Variants in ADARB2 observed in about 807,000 individuals in gnomAD.
ADARB2 encodes the protein adenosine deaminase RNA specific B2 (inactive).
A neutral mutation model predicts 62.2 loss-of-function variants in ADARB2; 25 were observed. The observed-to-expected ratio is 0.40, with a 90% confidence interval of 0.29 to 0.56. The LOEUF is 0.56. Among genes scored for constraint, ADARB2 ranks in the 20% least tolerant of loss-of-function variants. ADARB2 has a pLI of 0.43. For synonymous variants in ADARB2, 572 were observed against 500.8 expected (o/e 1.14, Z -1.90); for missense variants, 1,071 against 1,077.4 (o/e 0.99, Z 0.08).
intron 1 of ADARB2, among the ~76,000 whole-genome samples, chr10:1,379,888 T>A (rs1159788816): frequency 6.6e-6 from 1 of 152,240 alleles, no homozygotes; most frequent in Admixed American, 6.5e-5. Context: ...GATGCCGCTC[T>A]TCACCAATAA....
chr10:1,720,420 C>G (rs1835075590), intron 1 of ADARB2, among the ~76,000 whole-genome samples: 1 of 152,198 alleles, frequency 6.6e-6, no homozygotes, highest in Non-Finnish European at 1.5e-5. Context: ...AGGTACTATG[C>G]TCACTCCCTG....
intron 1 of ADARB2, among the ~76,000 whole-genome samples, chr10:1,685,766 C>G (rs765980949): frequency 6.6e-6 from 1 of 152,226 alleles, no homozygotes. Flanking sequence ...CTGCCCAGAC[C>G]TCTCCTGGCT....
intron 1 of ADARB2, among the ~76,000 whole-genome samples, chr10:1,458,538 G>T (rs755443769): frequency 7.6e-4 from 115 of 152,196 alleles, no homozygotes; most frequent in Non-Finnish European, 1.3e-3. Context: ...CCCTATCCTG[G>T]GAGAGGCTCA....
At chr10:1,218,446 C>T (rs1312560819) in intron 6 of ADARB2, among the ~76,000 whole-genome samples, 1 of 152,232 alleles carries the variant, frequency 6.6e-6, no homozygotes, top group African/African-American at 2.4e-5. Flanking sequence ...GTGATTATAT[C>T]ATTTACATAC....
At chr10:1,715,654 T>C (rs1485945518) in intron 1 of ADARB2, among the ~76,000 whole-genome samples, 1 of 152,210 alleles carries the variant, frequency 6.6e-6, no homozygotes, top group Non-Finnish European at 1.5e-5. Flanking sequence ...CTAGTTCTTA[T>C]TTTCAAGCAG....
intron 1 of ADARB2, among the ~76,000 whole-genome samples, chr10:1,482,672 G>T (rs1831488638): frequency 6.6e-6 from 1 of 152,154 alleles, no homozygotes; most frequent in Non-Finnish European, 1.5e-5. Context: ...TGTATTATGT[G>T]TATTTTACCA....
rs547326088 is a variant in ADARB2 at position 1,478,294 on chromosome 10, G to A, written c.101-99134C>T. 2.6e-5 allele frequency among the ~76,000 whole-genome samples: 4 copies of A among 152,288 alleles called. No individual in the cohort carries two copies. In the South Asian group the frequency reaches 6.2e-4, roughly 24 times the overall value. On this transcript the variant is annotated intron_variant, in intron 1 of 9. Coordinates refer to ENST00000381312, the MANE Select transcript of ADARB2 (RefSeq NM_018702.4). ...GAACAGCGTCACGGACATCAGAGGG[G>A]GTGGGTCTTCTGTGTCTCAACCTGG...
intron 3 of ADARB2, among the ~76,000 whole-genome samples, chr10:1,332,610 T>C (rs974176778): frequency 3.9e-5 from 6 of 151,986 alleles, no homozygotes; most frequent in African/African-American, 1.4e-4. Context: ...GCACAAGACG[T>C]TGGCCCCCTG....
chr10:1,412,221 C>T (rs373723813), intron 1 of ADARB2, among the ~76,000 whole-genome samples: 10 of 152,210 alleles, frequency 6.6e-5, no homozygotes, highest in Non-Finnish European at 1.0e-4. Context: ...CCGGAGACCT[C>T]GGGGCTGGTT....
intron 1 of ADARB2, among the ~76,000 whole-genome samples, chr10:1,647,525 G>T (rs1252509415): frequency 6.6e-6 from 1 of 152,128 alleles, no homozygotes; most frequent in Admixed American, 6.5e-5. Context: ...ATATATGCAT[G>T]CATGTGTGTT....
Position 1,394,940 on chromosome 10 carries a change from C to T in ADARB2, c.101-15780G>A, listed in dbSNP as rs140143392. 697 of 455,738 alleles carry T rather than the reference C, an allele frequency of 1.5e-3. 3 individuals are homozygous for T. The highest frequency in any genetic ancestry group is 0.012 in the African/African-American group (609 of 50,122). The allele number at this position is 455,738 out of a possible 1,614,324, so 28.2% of individuals were successfully genotyped here. ...TCTTCCTCTCTCTCTTTCTTTCTTT[C>T]GACAAGATCTTGCTCTGTCCCCAGG... On this transcript the variant is annotated intron_variant, in intron 1 of 9. Transcript: ENST00000381312.
chr10:1,457,315 C>T (rs1831106697), intron 1 of ADARB2, among the ~76,000 whole-genome samples: 1 of 152,148 alleles, frequency 6.6e-6, no homozygotes, highest in Non-Finnish European at 1.5e-5. Flanking sequence ...CCAGTGTCCA[C>T]CTCTAACCCT....
At chr10:1,588,750 T>C (rs2132006070) in intron 1 of ADARB2, among the ~76,000 whole-genome samples, 1 of 152,288 alleles carries the variant, frequency 6.6e-6, no homozygotes, top group East Asian at 1.9e-4. Context: ...TCACACTCAA[T>C]TCTGGAGGCA....
In ADARB2 at chr10:1,487,953, C is replaced by T. The variant is rs557801638; in HGVS notation, c.101-108793G>A. Among the ~76,000 whole-genome samples, 26 of 152,244 alleles carry T rather than the reference C, an allele frequency of 1.7e-4. No homozygotes were observed. In the South Asian group the frequency reaches 4.8e-3, roughly 28 times the overall value. On this transcript the variant is annotated intron_variant, in intron 1 of 9. Coordinates refer to ENST00000381312, the MANE Select transcript of ADARB2 (RefSeq NM_018702.4). ...GATGAAAGGGAATTTGTTGAATTTA[C>T]AATGAATTAGAGTCTTTCCATTGTA...
intron 1 of ADARB2, among the ~76,000 whole-genome samples, chr10:1,661,933 CT>C (rs1487230390): frequency 6.6e-6 from 1 of 152,134 alleles, no homozygotes; most frequent in African/African-American, 2.4e-5. Flanking sequence ...ATAAATCAGG[CT>C]GAAGAAAGGG....
At chr10:1,574,017 C>T (rs1428540224) in intron 1 of ADARB2, among the ~76,000 whole-genome samples, 2 of 152,162 alleles carry the variant, frequency 1.3e-5, no homozygotes, top group African/African-American at 4.8e-5. Flanking sequence ...CCGTGATGTC[C>T]CTGGCATTTT....
chr10:1,382,378 C>G (rs1456381525), intron 1 of ADARB2, among the ~76,000 whole-genome samples: 2 of 152,200 alleles, frequency 1.3e-5, no homozygotes, highest in Non-Finnish European at 2.9e-5. Context: ...CAACTATGAT[C>G]TGCAATCACC....
chr10:1,491,132 G>A (rs559290311), intron 1 of ADARB2, among the ~76,000 whole-genome samples: 2 of 152,274 alleles, frequency 1.3e-5, no homozygotes, highest in African/African-American at 4.8e-5. Context: ...AAGGGCAGTG[G>A]CATGATCATG....
At chr10:1,351,747 G>A (rs963131019) in intron 3 of ADARB2, among the ~76,000 whole-genome samples, 2 of 151,906 alleles carry the variant, frequency 1.3e-5, no homozygotes, top group Admixed American at 1.3e-4. Context: ...TGCTTTAAAA[G>A]GATTAAAGTC....
Sources: allele counts gnomAD v4.1 joint callset (sites outside exome capture counted in the v4.1 genomes callset), GRCh38; gene constraint gnomAD v4.1.1; transcripts MANE v1.5; gene names NCBI Gene and HGNC (gene_info 2026-07-23, HGNC 2026-07-21).